Variants in PTPRR observed in about 807,000 individuals in gnomAD.
PTPRR encodes receptor-type tyrosine-protein phosphatase R.
PTPRR carries 38 observed loss-of-function variants against 77.2 expected under a neutral mutation model. The observed-to-expected ratio is 0.49, with a 90% confidence interval of 0.38 to 0.65. The LOEUF is 0.65. PTPRR is among the 30% of genes least tolerant of loss of function. PTPRR has a pLI of 0.00. For synonymous variants in PTPRR, 299 were observed against 283.1 expected (o/e 1.06, Z -0.57); for missense variants, 744 against 799.2 (o/e 0.93, Z 0.83).
chr12:70,742,067 G>A (rs886721446), intron 6 of PTPRR, among the ~76,000 whole-genome samples: 7 of 152,154 alleles, frequency 4.6e-5, no homozygotes, highest in African/African-American at 1.7e-4. Flanking sequence ...GGAACAACAT[G>A]GTGGTAACTG....
At chr12:70,751,226 T>C (rs1417265349) in intron 5 of PTPRR, among the ~76,000 whole-genome samples, 1 of 152,102 alleles carries the variant, frequency 6.6e-6, no homozygotes, top group Admixed American at 6.5e-5. Flanking sequence ...CTAGGAGTCA[T>C]CCTTAATTTT....
intron 13 of PTPRR, among the ~76,000 whole-genome samples, chr12:70,639,933 T>C (rs1448736086): frequency 6.6e-6 from 1 of 152,146 alleles, no homozygotes; most frequent in African/African-American, 2.4e-5. Context: ...AGCCTTTTGG[T>C]GTACGGGGTG....
chr12:70,672,476 C>G, intron 10 of PTPRR: 3 of 1,132,456 alleles, frequency 2.6e-6, no homozygotes, highest in South Asian at 2.5e-5. Context: ...GGCTTCACTG[C>G]GGCTCATAAC....
chr12:70,879,626 A>G (rs1381870804), intron 2 of PTPRR, among the ~76,000 whole-genome samples: 1 of 152,174 alleles, frequency 6.6e-6, no homozygotes, highest in Non-Finnish European at 1.5e-5. Flanking sequence ...AACATTATGT[A>G]TATTGTAATT....
intron 4 of PTPRR, 38 bp downstream of exon 4, chr12:70,761,433 T>TTTTAG (rs1890688427): frequency 1.3e-6 from 2 of 1,509,096 alleles, no homozygotes; most frequent in Non-Finnish European, 1.8e-6. Context: ...TGCTAACTGT[T>TTTTAG]CACATTTTTA....
intron 6 of PTPRR, among the ~76,000 whole-genome samples, chr12:70,737,489 T>TCTAC (rs1491214737): frequency 8.1e-6 from 1 of 122,782 alleles, no homozygotes; most frequent in Non-Finnish European, 1.8e-5. Flanking sequence ...TTAATGAATA[T>TCTAC]CTATCTATCT....
chr12:70,761,377 A>T, intron 4 of PTPRR, 94 bp downstream of exon 4: 2 of 1,186,006 alleles, frequency 1.7e-6, no homozygotes, highest in Non-Finnish European at 1.1e-6. Context: ...AACATACAAT[A>T]AACAACTTCC....
intron 2 of PTPRR, among the ~76,000 whole-genome samples, chr12:70,882,327 T>C (rs1270073624): frequency 6.6e-6 from 1 of 152,164 alleles, no homozygotes; most frequent in African/African-American, 2.4e-5. Flanking sequence ...CTAGCTATGA[T>C]AGATAGGAGG....
intron 2 of PTPRR, among the ~76,000 whole-genome samples, chr12:70,793,459 C>T (rs201490818): frequency 1.3e-5 from 2 of 152,224 alleles, no homozygotes; most frequent in East Asian, 3.9e-4. Context: ...CCAGTCAAAG[C>T]AAAAGTAGAT....
intron 9 of PTPRR, 23 bp from the exon 10 acceptor site, chr12:70,684,287 A>T (rs1436935284): frequency 3.1e-6 from 5 of 1,596,082 alleles, no homozygotes; most frequent in Non-Finnish European, 4.3e-6. Context: ...AAGAAACAAA[A>T]ATATTGGTTT....
At chr12:70,686,514 C>T (rs1048641081) in intron 8 of PTPRR, among the ~76,000 whole-genome samples, 12 of 152,268 alleles carry the variant, frequency 7.9e-5, no homozygotes, top group Admixed American at 2.6e-4. Flanking sequence ...AGACTAATTC[C>T]TCTCATCTTG....
Position 70,740,359 on chromosome 12 carries a change from T to C in PTPRR, c.1007+5459A>G, listed in dbSNP as rs146042990. Among the ~76,000 whole-genome samples, 20 of 126,242 alleles carry C rather than the reference T, an allele frequency of 1.6e-4. No individual in the cohort carries two copies. In the East Asian group the frequency reaches 5.0e-3, roughly 32 times the overall value. 82.8% of individuals were successfully genotyped at this position (126,242 alleles called of 152,430 possible). A position where few individuals can be genotyped will look rare whatever the true frequency, so the allele number is the denominator to read the frequency against. On this transcript the variant is annotated intron_variant, in intron 6 of 13. Coordinates refer to ENST00000283228, the MANE Select transcript of PTPRR (RefSeq NM_002849.4). ...GAAAAAGGGAGAAAAGAAGACTGAA[T>C]TGCTATGTTTCTCTTTTTTTTTTTT...
chr12:70,642,036 C>G (rs1042498846), intron 13 of PTPRR, among the ~76,000 whole-genome samples: 6 of 152,200 alleles, frequency 3.9e-5, no homozygotes, highest in African/African-American at 1.4e-4. Flanking sequence ...CAAATATGAC[C>G]TTCTTAGAGA....
chr12:70,717,480 T>A (rs1889074957), intron 6 of PTPRR, among the ~76,000 whole-genome samples: 1 of 152,152 alleles, frequency 6.6e-6, no homozygotes, highest in African/African-American at 2.4e-5. Flanking sequence ...TGAAAGACTC[T>A]AACAAAGGAT....
chr12:70,817,526 C>A (rs1891926365), intron 2 of PTPRR, among the ~76,000 whole-genome samples: 2 of 152,154 alleles, frequency 1.3e-5, no homozygotes, highest in Non-Finnish European at 1.5e-5. Context: ...ATTTTTGAGT[C>A]AAAATTCACA....
intron 13 of PTPRR, among the ~76,000 whole-genome samples, chr12:70,649,752 A>G (rs1361474193): frequency 6.6e-6 from 1 of 151,756 alleles, no homozygotes; most frequent in Admixed American, 6.6e-5. Context: ...TTTTTGTGTT[A>G]TTAGTAGAGA....
intron 2 of PTPRR, among the ~76,000 whole-genome samples, chr12:70,772,914 C>T (rs531898369): frequency 2.0e-5 from 3 of 152,100 alleles, no homozygotes; most frequent in Non-Finnish European, 2.9e-5. Flanking sequence ...CTTGTCTTGT[C>T]ATACTAGAGG....
chr12:70,714,647 T>C (rs1429819361), intron 6 of PTPRR, among the ~76,000 whole-genome samples: 2 of 152,246 alleles, frequency 1.3e-5, no homozygotes, highest in Non-Finnish European at 2.9e-5. Context: ...TTCTACTGTA[T>C]ATTTGTTTAT....
intron 1 of PTPRR, among the ~76,000 whole-genome samples, chr12:70,898,098 T>G (rs913225950): frequency 6.6e-6 from 1 of 151,672 alleles, no homozygotes; most frequent in African/African-American, 2.4e-5. Context: ...CACATGTATA[T>G]GTATGTAACA....
Sources: gnomAD v4.1 joint callset for allele counts (sites outside exome capture counted in the v4.1 genomes callset) on GRCh38, gnomAD v4.1.1 for gene constraint, MANE v1.5 for transcripts, NCBI Gene and HGNC (gene_info 2026-07-23, HGNC 2026-07-21) for gene names.